Variants in CGNL1 observed in about 807,000 individuals in gnomAD.
The protein encoded by CGNL1 is cingulin-like protein 1.
A neutral mutation model predicts 141.2 loss-of-function variants in CGNL1; 132 were observed. That is an observed-to-expected ratio of 0.93 (90% confidence interval 0.81 to 1.08). The LOEUF is 1.08. Ranked by LOEUF, CGNL1 falls within the 50% of genes least tolerant of loss-of-function variation. The pLI, the probability that CGNL1 is intolerant of heterozygous loss-of-function variation, is 0.00. For synonymous variants in CGNL1, 690 were observed against 622.1 expected (o/e 1.11, Z -1.63); for missense variants, 1,870 against 1,588.6 (o/e 1.18, Z -3.01).
chr15:57,461,980 C>G, intron 8 of CGNL1, 88 bp downstream of exon 8: 1 of 955,302 alleles, frequency 1.0e-6, no homozygotes, highest in South Asian at 1.4e-5. Context: ...CCCTTCATTC[C>G]TTTTAATTAG....
At chr15:57,481,303 G>A (rs1401627048) in intron 8 of CGNL1, among the ~76,000 whole-genome samples, 7 of 151,928 alleles carry the variant, frequency 4.6e-5, no homozygotes, top group South Asian at 4.2e-4. Context: ...ATCACTCCCC[G>A]CATTCTTCAT....
At chr15:57,421,813 T>A (rs2062918403) in intron 1 of CGNL1, among the ~76,000 whole-genome samples, 1 of 151,200 alleles carries the variant, frequency 6.6e-6, no homozygotes, top group Non-Finnish European at 1.5e-5. Context: ...TGCTCCTGTG[T>A]GGACAGGGAC....
chr15:57,542,868 C>A (rs1407300002), intron 14 of CGNL1, among the ~76,000 whole-genome samples: 1 of 152,184 alleles, frequency 6.6e-6, no homozygotes, highest in East Asian at 1.9e-4. Context: ...GACAGTGGGT[C>A]ACCCTGCAAG....
chr15:57,533,147 T>C (rs1487178684), intron 14 of CGNL1, among the ~76,000 whole-genome samples: 2 of 152,184 alleles, frequency 1.3e-5, no homozygotes, highest in African/African-American at 4.8e-5. Flanking sequence ...GCTCCTTTGC[T>C]CCTGAGAGTG....
At chr15:57,500,921 G>C (rs1243767791) in intron 8 of CGNL1, among the ~76,000 whole-genome samples, 5 of 152,176 alleles carry the variant, frequency 3.3e-5, no homozygotes, top group African/African-American at 1.2e-4. Flanking sequence ...TTGAGGCTAG[G>C]TTCTCAGGCC....
Position 57,461,770 on chromosome 15 carries a change from AC to A in CGNL1, c.2283del (p.Ala762ProfsTer2). ...CTTGAGAAAGCGAGAGCGTGAACTCACCGCCCTGAAGGGAGCCCTGAAAGAA... is the reference window on the plus strand; with the variant it reads ...CTTGAGAAAGCGAGAGCGTGAACTCACGCCCTGAAGGGAGCCCTGAAAGAA... Reference protein sequence around the residue: ...DLLRKRERELTALKGALKEEV... With the variant: ...DLLRKRERELXALKGALKEEV... On this transcript the variant is annotated frameshift_variant, in exon 8 of 19. Coordinates refer to ENST00000281282, the MANE Select transcript of CGNL1 (RefSeq NM_032866.5). LOFTEE classifies it high-confidence loss of function. The A allele has an allele frequency of 6.2e-7, 1 of 1,614,132 alleles. No individual in the cohort carries two copies. Among genetic ancestry groups the A allele is most frequent in the Non-Finnish European group, 8.5e-7 (1 of 1,180,012 alleles).
intron 1 of CGNL1, among the ~76,000 whole-genome samples, chr15:57,390,999 G>T (rs1309162564): frequency 6.6e-6 from 1 of 152,182 alleles, no homozygotes; most frequent in African/African-American, 2.4e-5. Context: ...ATCAGTGCCT[G>T]TGTGTACCAT....
At chr15:57,454,106 G>A (rs948415959) in intron 7 of CGNL1, among the ~76,000 whole-genome samples, 1 of 152,156 alleles carries the variant, frequency 6.6e-6, no homozygotes, top group South Asian at 2.1e-4. Context: ...TTTTCAATAT[G>A]TACATTTTTG....
chr15:57,468,532 T>C (rs1567137236), intron 8 of CGNL1, among the ~76,000 whole-genome samples: 1 of 151,678 alleles, frequency 6.6e-6, no homozygotes. Context: ...GCACCCAGCA[T>C]TGAAGTTTTC....
At chr15:57,468,510 G>T (rs1271607199) in intron 8 of CGNL1, among the ~76,000 whole-genome samples, 1 of 151,822 alleles carries the variant, frequency 6.6e-6, no homozygotes, top group Non-Finnish European at 1.5e-5. Context: ...GGGGTTATAG[G>T]TGTGACCCAC....
intron 8 of CGNL1, among the ~76,000 whole-genome samples, chr15:57,482,941 C>T (rs1187133868): frequency 6.6e-6 from 1 of 152,134 alleles, no homozygotes; most frequent in Non-Finnish European, 1.5e-5. Context: ...GCCGCCACCT[C>T]GCCTGGCTAA....
intron 4 of CGNL1, among the ~76,000 whole-genome samples, chr15:57,444,958 G>A (rs560396942): frequency 6.6e-6 from 1 of 152,236 alleles, no homozygotes; most frequent in South Asian, 2.1e-4. Context: ...GAGGAAGAGA[G>A]ACCAATGAAA....
At chr15:57,473,471 A>G (rs1358008211) in intron 8 of CGNL1, among the ~76,000 whole-genome samples, 1 of 152,260 alleles carries the variant, frequency 6.6e-6, no homozygotes, top group Non-Finnish European at 1.5e-5. Context: ...CATTTACAGT[A>G]GCCCGTTGGC....
At chr15:57,532,552 C>T (rs189433294) in intron 14 of CGNL1, among the ~76,000 whole-genome samples, 3 of 152,288 alleles carry the variant, frequency 2.0e-5, no homozygotes, top group South Asian at 2.1e-4. Context: ...ATCTATAACA[C>T]GAGCATAACT....
intron 1 of CGNL1, chr15:57,407,090 CT>C (rs1272975003): frequency 3.9e-5 from 6 of 152,190 alleles, no homozygotes; most frequent in African/African-American, 1.4e-4. Flanking sequence ...TCACTTGCCC[CT>C]GCTGTTAGGA....
At chr15:57,414,004 A>G (rs1266930402) in intron 1 of CGNL1, among the ~76,000 whole-genome samples, 1 of 152,244 alleles carries the variant, frequency 6.6e-6, no homozygotes, top group African/African-American at 2.4e-5. Flanking sequence ...ACAGAAATGA[A>G]AAGTCTTAAA....
At chr15:57,464,107 T>C (rs2063480240) in intron 8 of CGNL1, among the ~76,000 whole-genome samples, 1 of 151,422 alleles carries the variant, frequency 6.6e-6, no homozygotes, top group Admixed American at 6.6e-5. Context: ...TGACAAACTC[T>C]AGTACCTCTG....
chr15:57,418,932 C>CT (rs1240870965), intron 1 of CGNL1, among the ~76,000 whole-genome samples: 2 of 6,470 alleles, frequency 3.1e-4, no homozygotes, highest in Non-Finnish European at 1.8e-3. Context: ...CTGCCTGGTG[C>CT]CTTTTTTTTT....
At chr15:57,542,295 G>A (rs1427845511) in intron 14 of CGNL1, among the ~76,000 whole-genome samples, 2 of 152,222 alleles carry the variant, frequency 1.3e-5, no homozygotes, top group South Asian at 2.1e-4. Flanking sequence ...TCTTAGCCAC[G>A]TTGGATCCTG....
Sources: allele counts gnomAD v4.1 joint callset (sites outside exome capture counted in the v4.1 genomes callset), GRCh38; gene constraint gnomAD v4.1.1; transcripts MANE v1.5; gene names NCBI Gene and HGNC (gene_info 2026-07-23, HGNC 2026-07-21).